Variants in NTRK2 observed in about 807,000 individuals in gnomAD.
The protein encoded by NTRK2 is neurotrophic receptor tyrosine kinase 2.
In NTRK2, 13 loss-of-function variants were observed where a neutral mutation model predicts 94.5. The observed-to-expected ratio is 0.14, with a 90% CI of 0.09 to 0.22. The LOEUF (loss-of-function observed/expected upper bound fraction) is 0.22, where lower values mean the gene tolerates loss of function less well. Ranked by LOEUF, NTRK2 falls within the 10% of genes least tolerant of loss-of-function variation. NTRK2 has a pLI of 1.00. For missense variants in NTRK2, 639 were observed against 1,071.2 expected (o/e 0.60, Z 5.63); for synonymous variants, 372 against 407.4 (o/e 0.91, Z 1.05).
At chr9:84,869,260 T>A (rs567258974) in intron 14 of NTRK2, among the ~76,000 whole-genome samples, 113 of 152,288 alleles carry the variant, frequency 7.4e-4, no homozygotes, top group South Asian at 1.5e-3. Context: ...CTGTGCCTCC[T>A]GTCAGTTTCT....
intron 12 of NTRK2, among the ~76,000 whole-genome samples, chr9:84,821,040 G>A (rs1265029357): frequency 6.6e-6 from 1 of 152,038 alleles, no homozygotes; most frequent in Non-Finnish European, 1.5e-5. Flanking sequence ...TCATTTTGGT[G>A]GCTGTAATTC....
At chr9:84,693,332 C>A (rs1028268908) in intron 2 of NTRK2, among the ~76,000 whole-genome samples, 1 of 152,034 alleles carries the variant, frequency 6.6e-6, no homozygotes, top group Non-Finnish European at 1.5e-5. Flanking sequence ...TTATAGAGAC[C>A]TATATGTTTT....
chr9:84,790,428 A>G (rs2068615430), intron 12 of NTRK2, among the ~76,000 whole-genome samples: 1 of 152,166 alleles, frequency 6.6e-6, no homozygotes, highest in Non-Finnish European at 1.5e-5. Flanking sequence ...GTTACTCACC[A>G]AGATGTAGGA....
chr9:84,691,181 G>A (rs1028522289), intron 2 of NTRK2, among the ~76,000 whole-genome samples: 36 of 152,168 alleles, frequency 2.4e-4, no homozygotes, highest in African/African-American at 8.4e-4. Flanking sequence ...GATTTGTCTG[G>A]CAGTGTATTC....
At chr9:84,767,256 A>T (rs1351766296) in intron 12 of NTRK2, among the ~76,000 whole-genome samples, 1 of 152,188 alleles carries the variant, frequency 6.6e-6, no homozygotes, top group African/African-American at 2.4e-5. Flanking sequence ...AACTCAGCTG[A>T]TGCATTTTCA....
intron 12 of NTRK2, among the ~76,000 whole-genome samples, chr9:84,824,991 GT>G (rs111282369): frequency 0.024 from 3,420 of 142,468 alleles, 53 homozygotes; most frequent in East Asian, 0.048. Context: ...AAAAAGATCA[GT>G]TTTTTTTTTT....
intron 14 of NTRK2, among the ~76,000 whole-genome samples, chr9:84,924,210 C>T (rs150923716): frequency 7.0e-6 from 1 of 142,506 alleles, no homozygotes; most frequent in East Asian, 2.1e-4. Context: ...GAGTGAGACC[C>T]TGTCTCAAAG....
At chr9:84,929,175 C>T (rs1399030974) in intron 14 of NTRK2, among the ~76,000 whole-genome samples, 1 of 152,082 alleles carries the variant, frequency 6.6e-6, no homozygotes, top group Non-Finnish European at 1.5e-5. Flanking sequence ...GGAATCTATA[C>T]CAGAATTTGA....
rs77229973 is a variant in NTRK2, at chr9:84,877,898, A to T, written c.1633+10467A>T. 1,171 of 1,022,758 alleles carry T rather than the reference A, an allele frequency of 1.1e-3. 21 individuals are homozygous for T. The Admixed American group carries it at 0.038, about 34-fold the overall frequency. 63.4% of individuals were successfully genotyped at this position (1,022,758 alleles called of 1,614,324 possible). Reference sequence around the variant, plus strand: ...ACCAATAAAGACAAGACTGTCATATATGTGGTCTCTGTTGCCTACTTTCGT... The same window carrying T: ...ACCAATAAAGACAAGACTGTCATATTTGTGGTCTCTGTTGCCTACTTTCGT... On this transcript the variant is annotated intron_variant, in intron 14 of 18. Coordinates refer to ENST00000277120, the MANE Select transcript of NTRK2 (RefSeq NM_006180.6).
chr9:84,834,524 G>A (rs969020897), intron 12 of NTRK2, among the ~76,000 whole-genome samples: 13 of 152,056 alleles, frequency 8.5e-5, no homozygotes, highest in African/African-American at 3.1e-4. Flanking sequence ...TGATGATCTA[G>A]GTCAACACTT....
At chr9:84,752,726 T>G (rs2064749837) in intron 12 of NTRK2, among the ~76,000 whole-genome samples, 1 of 152,236 alleles carries the variant, frequency 6.6e-6, no homozygotes, top group African/African-American at 2.4e-5. Flanking sequence ...CAGGGAAAAC[T>G]TGTATAAATT....
chr9:84,694,652 T>G (rs1018454587), intron 2 of NTRK2, among the ~76,000 whole-genome samples: 1 of 152,146 alleles, frequency 6.6e-6, no homozygotes, highest in Non-Finnish European at 1.5e-5. Context: ...GGAATTTTTT[T>G]TTTAGAAAAG....
chr9:84,866,075 T>C (rs2075579327), intron 13 of NTRK2, among the ~76,000 whole-genome samples: 1 of 152,204 alleles, frequency 6.6e-6, no homozygotes, highest in African/African-American at 2.4e-5. Flanking sequence ...ATTAATTTAG[T>C]ATAAAGACAC....
At chr9:84,828,739 A>T (rs1487128534) in intron 12 of NTRK2, among the ~76,000 whole-genome samples, 1 of 152,236 alleles carries the variant, frequency 6.6e-6, no homozygotes, top group African/African-American at 2.4e-5. Context: ...CAAGCTGGAG[A>T]AAGTGAAATA....
chr9:84,790,195 T>TA lies in NTRK2; in HGVS notation c.1396+38117dup, dbSNP rs571804466. On this transcript the variant is annotated intron_variant, in intron 12 of 18. Transcript: ENST00000277120. ...AATGAAGTCAAGCAAACGTTTAGTT[T>TA]AAAAAAATGAAGTGCCTAAAGCCTT... Among the ~76,000 whole-genome samples, 703 of 152,284 alleles carry TA rather than the reference T, an allele frequency of 4.6e-3. 8 individuals are homozygous for TA. The highest frequency in any genetic ancestry group is 0.016 in the African/African-American group (664 of 41,560).
intron 2 of NTRK2, among the ~76,000 whole-genome samples, chr9:84,698,525 T>A (rs1221275163): frequency 6.6e-6 from 1 of 152,172 alleles, no homozygotes; most frequent in Non-Finnish European, 1.5e-5. Flanking sequence ...TCTTCTTGAG[T>A]CCATATGTGA....
chr9:84,705,689 G>T (rs1359651757), intron 4 of NTRK2, among the ~76,000 whole-genome samples: 7 of 151,908 alleles, frequency 4.6e-5, no homozygotes, highest in Non-Finnish European at 8.8e-5. Context: ...GAAAGATTGG[G>T]ACTTCTGATG....
chr9:84,928,322 G>A (rs1326666135), intron 14 of NTRK2, among the ~76,000 whole-genome samples: 1 of 152,100 alleles, frequency 6.6e-6, no homozygotes, highest in Admixed American at 6.5e-5. Context: ...TTTATATCAA[G>A]TTCAAGCATT....
intron 14 of NTRK2, among the ~76,000 whole-genome samples, chr9:84,933,689 G>T (rs560642695): frequency 2.0e-5 from 3 of 152,258 alleles, no homozygotes; most frequent in Non-Finnish European, 4.4e-5. Context: ...ACAATGCAAA[G>T]ATCTTGCATT....
Sources: allele counts gnomAD v4.1 joint callset (sites outside exome capture counted in the v4.1 genomes callset), GRCh38; gene constraint gnomAD v4.1.1; transcripts MANE v1.5; gene names NCBI Gene and HGNC (gene_info 2026-07-23, HGNC 2026-07-21).